Variants in ANKFN1 observed in about 807,000 individuals in gnomAD.
The protein encoded by ANKFN1 is ankyrin repeat and fibronectin type III domain containing 1, also known as ankyrin repeat and fibronectin type-III domain-containing protein 1.
ANKFN1 carries 74 observed loss-of-function variants against 108.7 expected under a neutral mutation model. The observed-to-expected ratio is 0.68, with a 90% confidence interval of 0.56 to 0.83. ANKFN1 has a LOEUF of 0.83. Ranked by LOEUF, ANKFN1 falls within the 40% of genes least tolerant of loss-of-function variation. ANKFN1 has a pLI of 0.00. For missense variants in ANKFN1, 1,505 were observed against 1,382.3 expected, an observed-to-expected ratio of 1.09 and a Z score of -1.41; for synonymous variants, 547 against 516.2, an observed-to-expected ratio of 1.06 and a Z score of -0.81.
rs1175943868 is a variant in ANKFN1, at chr17:56,516,191, C to A, written c.*4922C>A. Among the ~76,000 whole-genome samples, 1 of 151,728 alleles carries A rather than the reference C, an allele frequency of 6.6e-6. No individual in the cohort carries two copies. Among genetic ancestry groups the A allele is most frequent in the African/African-American group, 2.4e-5 (1 of 41,248 alleles). ...GTATTGCCTCTTGCCTTGTGAAAAT[C>A]AGATGTTTGGGGGTATCCATGTATG... On this transcript the variant is annotated 3_prime_UTR_variant, in exon 21 of 21. Transcript: ENST00000682825.
At chr17:56,316,376 G>A (rs1485113965) in intron 3 of ANKFN1, among the ~76,000 whole-genome samples, 3 of 152,098 alleles carry the variant, frequency 2.0e-5, no homozygotes, top group Non-Finnish European at 2.9e-5. Context: ...TTTGTAAAAT[G>A]GAGGAGGTAT....
intron 3 of ANKFN1, among the ~76,000 whole-genome samples, chr17:56,306,766 C>T (rs1009814208): frequency 6.6e-6 from 1 of 152,094 alleles, no homozygotes; most frequent in Non-Finnish European, 1.5e-5. Flanking sequence ...GCCCACATTG[C>T]CAAGTCAATC....
intron 15 of ANKFN1, 83 bp downstream of exon 15, chr17:56,466,654 C>G: frequency 8.3e-7 from 1 of 1,205,016 alleles, no homozygotes; most frequent in South Asian, 1.4e-5. Flanking sequence ...ATTGCAAGAG[C>G]CATTTACATA....
chr17:56,406,255 C>T (rs1009974877), intron 8 of ANKFN1, among the ~76,000 whole-genome samples: 6 of 152,070 alleles, frequency 3.9e-5, no homozygotes, highest in South Asian at 2.1e-4. Context: ...GAAGGGATAG[C>T]GAGAACAAAG....
At chr17:56,291,161 C>A (rs976095909) in intron 3 of ANKFN1, among the ~76,000 whole-genome samples, 24 of 152,144 alleles carry the variant, frequency 1.6e-4, no homozygotes, top group African/African-American at 5.8e-4. Flanking sequence ...TCTGAGGGGG[C>A]AAAACATCTA....
intron 4 of ANKFN1, among the ~76,000 whole-genome samples, chr17:56,085,981 G>A (rs1905308765): frequency 6.6e-6 from 1 of 151,138 alleles, no homozygotes; most frequent in Non-Finnish European, 1.5e-5. Context: ...AACCTACAAG[G>A]TGGTGGAAAA....
Position 56,513,095 on chromosome 17 carries a change from A to G in ANKFN1, c.*1826A>G, listed in dbSNP as rs528000732. 1.3e-5 allele frequency among the ~76,000 whole-genome samples: 2 copies of G among 152,350 alleles called. No individual in the cohort carries two copies. Among genetic ancestry groups the G allele is most frequent in the Non-Finnish European group, 2.9e-5 (2 of 68,034 alleles). On this transcript the variant is annotated 3_prime_UTR_variant, in exon 21 of 21. Coordinates refer to ENST00000682825, the MANE Select transcript of ANKFN1 (RefSeq NM_001370326.1). ...CAATTAAGACCCAGAGAGGTTAAGTAACATGCTCAAGGTCACGGAGCTGGT... is the reference window on the plus strand; with the variant it reads ...CAATTAAGACCCAGAGAGGTTAAGTGACATGCTCAAGGTCACGGAGCTGGT...
chr17:56,363,222 CAAAAATAAAAAT>C lies in ANKFN1; in HGVS notation c.601+9191_601+9202del, dbSNP rs536647631. The stretch of plus-strand genomic sequence containing the variant: ...CTGGGGACAGAGGGAGACTCCATCT[CAAAAATAAAAAT>C]AAAAATAAAAATAAGCAAGGAACCT... On this transcript the variant is annotated intron_variant, in intron 6 of 20. Transcript: ENST00000682825. Among the ~76,000 whole-genome samples, 166 of 151,512 alleles carry C rather than the reference CAAAAATAAAAAT, an allele frequency of 1.1e-3. 1 individual carries two copies. Among genetic ancestry groups the C allele is most frequent in the African/African-American group, 3.7e-3 (151 of 41,234 alleles).
intron 4 of ANKFN1, among the ~76,000 whole-genome samples, chr17:56,057,784 CAA>C (rs71137189): frequency 8.9e-4 from 133 of 149,484 alleles, no homozygotes; most frequent in African/African-American, 2.3e-3. Context: ...AACTCTGTCT[CAA>C]AAAAAAAAAA....
At chr17:56,434,349 T>C (rs1053368611) in intron 8 of ANKFN1, among the ~76,000 whole-genome samples, 2 of 140,512 alleles carry the variant, frequency 1.4e-5, no homozygotes, top group Non-Finnish European at 3.0e-5. Context: ...CTTCTAGAAG[T>C]AGTGGATGCA....
intron 4 of ANKFN1, among the ~76,000 whole-genome samples, chr17:56,123,322 C>T (rs1906730656): frequency 6.6e-6 from 1 of 152,190 alleles, no homozygotes; most frequent in African/African-American, 2.4e-5. Flanking sequence ...CTGCCTTGAG[C>T]ATCTCAGAGA....
At chr17:56,061,876 T>C (rs989762209) in intron 4 of ANKFN1, among the ~76,000 whole-genome samples, 7 of 152,240 alleles carry the variant, frequency 4.6e-5, no homozygotes, top group African/African-American at 1.7e-4. Context: ...CATTTAGTGC[T>C]GTAAGTTTCC....
intron 8 of ANKFN1, among the ~76,000 whole-genome samples, chr17:56,415,500 A>C (rs1436421262): frequency 2.6e-5 from 4 of 152,200 alleles, no homozygotes; most frequent in Non-Finnish European, 4.4e-5. Context: ...CTATGGATTA[A>C]CCAAAAAAGT....
intron 4 of ANKFN1, among the ~76,000 whole-genome samples, chr17:56,143,864 T>C (rs1299889540): frequency 6.6e-6 from 1 of 152,086 alleles, no homozygotes; most frequent in Non-Finnish European, 1.5e-5. Flanking sequence ...GAGAGAGGCA[T>C]GGAATGGATT....
chr17:56,160,633 TG>T (rs1438818798), intron 1 of ANKFN1, among the ~76,000 whole-genome samples: 3 of 152,220 alleles, frequency 2.0e-5, no homozygotes, highest in Non-Finnish European at 2.9e-5. Context: ...TCTCATGTTT[TG>T]TCTTATGGAA....
chr17:56,277,655 T>A (rs75198809), intron 3 of ANKFN1, among the ~76,000 whole-genome samples: 3,116 of 152,208 alleles, frequency 0.02, 126 homozygotes, highest in African/African-American at 0.07. Flanking sequence ...CAAACCCAAA[T>A]ATGGCTAACT....
At chr17:56,053,723 A>G (rs1215342951) in intron 4 of ANKFN1, among the ~76,000 whole-genome samples, 1 of 151,618 alleles carries the variant, frequency 6.6e-6, no homozygotes, top group Non-Finnish European at 1.5e-5. Context: ...TTTTGAGGAA[A>G]CTCCGAACTG....
intron 4 of ANKFN1, among the ~76,000 whole-genome samples, chr17:56,133,098 C>A (rs1225196737): frequency 6.6e-6 from 1 of 152,120 alleles, no homozygotes; most frequent in Non-Finnish European, 1.5e-5. Context: ...TTTCTAGATA[C>A]CAACCCAGGA....
intron 4 of ANKFN1, among the ~76,000 whole-genome samples, chr17:56,099,994 T>A (rs1905609918): frequency 6.6e-6 from 1 of 152,170 alleles, no homozygotes; most frequent in Admixed American, 6.5e-5. Flanking sequence ...GCTATGCCAA[T>A]TTCAGAAGGA....
Sources: allele counts gnomAD v4.1 joint callset (sites outside exome capture counted in the v4.1 genomes callset), GRCh38; gene constraint gnomAD v4.1.1; transcripts MANE v1.5; gene names NCBI Gene and HGNC (gene_info 2026-07-23, HGNC 2026-07-21).